The following BAHCC1 variants were observed in gnomAD, a reference collection of about 807,000 sequenced individuals.
The protein encoded by BAHCC1 is BAH domain and coiled-coil containing 1.
A neutral mutation model predicts 88.2 loss-of-function variants in BAHCC1; 43 were observed. The observed-to-expected ratio is 0.49, with a 90% CI of 0.38 to 0.63. The LOEUF is 0.63. Among genes scored for constraint, BAHCC1 ranks in the 20% least tolerant of loss-of-function variants. The pLI is 0.00. For missense variants in BAHCC1, 3,023 were observed against 1,654.8 expected (o/e 1.83, Z -14.34); for synonymous variants, 1,510 against 745.5 (o/e 2.03, Z -16.71).
intron 4 of BAHCC1, among the ~76,000 whole-genome samples, chr17:81,439,532 G>T (rs1555652201): frequency 6.6e-6 from 1 of 151,596 alleles, no homozygotes; most frequent in East Asian, 2.0e-4. Flanking sequence ...TCCGAGAGGT[G>T]TCTGGACACA....
At position 81,464,703 on chromosome 17, in the gene BAHCC1, G is replaced by T. The variant is rs2030580128; in HGVS notation, c.*886G>T. Reference sequence around the variant, plus strand: ...TATTGATAAGAAAAAGCAATGTTTGGATTGTATCTGCTGAATCATATTCCA... The same window carrying T: ...TATTGATAAGAAAAAGCAATGTTTGTATTGTATCTGCTGAATCATATTCCA... On this transcript the variant is annotated 3_prime_UTR_variant, in exon 28 of 28. Coordinates refer to ENST00000675386, the MANE Select transcript of BAHCC1 (RefSeq NM_001377448.1). 1 of 152,540 alleles carries T rather than the reference G, an allele frequency of 6.6e-6. No individual in the cohort carries two copies. Among genetic ancestry groups the T allele is most frequent in the Admixed American group, 6.5e-5 (1 of 15,288 alleles). The allele number at this position is 152,540 out of a possible 1,614,324, so 9.4% of individuals were successfully genotyped here. A position where few individuals can be genotyped will look rare whatever the true frequency, so the allele number is the denominator to read the frequency against.
intron 2 of BAHCC1, among the ~76,000 whole-genome samples, chr17:81,412,569 C>T (rs1183412753): frequency 6.6e-6 from 1 of 152,178 alleles, no homozygotes; most frequent in Non-Finnish European, 1.5e-5. Flanking sequence ...CAGGGAGCAG[C>T]CACCACGCTT....
intron 2 of BAHCC1, among the ~76,000 whole-genome samples, chr17:81,404,533 G>A (rs1257624506): frequency 1.3e-5 from 2 of 152,232 alleles, no homozygotes; most frequent in African/African-American, 2.4e-5. Flanking sequence ...GGGTGCAAGG[G>A]CAGATTACCC....
chr17:81,441,883 C>G lies in BAHCC1; in HGVS notation c.534C>G (p.Asn178Lys). The G allele has an allele frequency of 1.5e-6, 1 of 674,970 alleles. No homozygotes were observed. Among genetic ancestry groups the G allele is most frequent in the Admixed American group, 2.3e-5 (1 of 44,062 alleles). 41.8% of individuals were successfully genotyped at this position (674,970 alleles called of 1,614,324 possible). A position where few individuals can be genotyped will look rare whatever the true frequency, so the allele number is the denominator to read the frequency against. Residue 178 changes from asparagine (N) to lysine (K), a missense_variant, in exon 5 of 28, where the codon AAC (asparagine) becomes AAG (lysine). Asn to Lys is a moderately conservative substitution (Grantham distance 94). Transcript: ENST00000675386. Reference sequence around the variant, plus strand: ...CCCAGCCCACGCTGCTGCCGGCCAACCACAACTTCCCCAGCGTGGCCCGGG... The same window carrying G: ...CCCAGCCCACGCTGCTGCCGGCCAAGCACAACTTCCCCAGCGTGGCCCGGG... ...LPPQPTLLPA[N>K]HNFPSVARAA...
In BAHCC1 at chr17:81,447,533, G is replaced by A; in HGVS notation, c.3661G>A (p.Ala1221Thr). 2.6e-6 allele frequency: 2 copies of A among 754,936 alleles called. No homozygotes were observed. Among genetic ancestry groups the A allele is most frequent in the Admixed American group, 1.8e-5 (1 of 54,788 alleles). 46.8% of individuals were successfully genotyped at this position (754,936 alleles called of 1,614,324 possible). The change falls in exon 11 of 28, where the codon GCC becomes ACC. Residue 1221 changes from alanine (A) to threonine (T), a missense_variant. Coordinates refer to ENST00000675386, the MANE Select transcript of BAHCC1 (RefSeq NM_001377448.1). ...GALEDEGEQP[A>T]PEEDELEEDE... ...CCTTGAGGACGAGGGGGAGCAGCCGGCCCCTGAGGAGGACGAGCTGGAGGA... is the reference window on the plus strand; with the variant it reads ...CCTTGAGGACGAGGGGGAGCAGCCGACCCCTGAGGAGGACGAGCTGGAGGA...
intron 2 of BAHCC1, among the ~76,000 whole-genome samples, chr17:81,407,736 G>A (rs1267216645): frequency 3.3e-5 from 5 of 152,176 alleles, no homozygotes; most frequent in Non-Finnish European, 4.4e-5. Context: ...ATATCCCAGC[G>A]GGGTCTAGCC....
chr17:81,451,959 C>CG lies in BAHCC1; in HGVS notation c.4180-12_4180-11insG. 1 of 619,106 alleles carries CG rather than the reference C, an allele frequency of 1.6e-6. No homozygotes were observed. The highest frequency in any genetic ancestry group is 2.9e-6 in the Non-Finnish European group (1 of 344,352). 38.4% of individuals were successfully genotyped at this position (619,106 alleles called of 1,614,324 possible). Reference sequence around the variant, plus strand: ...TGGCCCGGCTCACAGGCCCCTGTGCCCCCCCCACCAGGTGTGCCCCCTGAA... The same window carrying CG: ...TGGCCCGGCTCACAGGCCCCTGTGCCGCCCCCCACCAGGTGTGCCCCCTGAA... On this transcript the variant is annotated splice_polypyrimidine_tract_variant and intron_variant, in intron 12 of 27. Coordinates refer to ENST00000675386, the MANE Select transcript of BAHCC1 (RefSeq NM_001377448.1).
intron 2 of BAHCC1, among the ~76,000 whole-genome samples, chr17:81,423,132 C>T (rs1331487458): frequency 1.3e-5 from 2 of 152,128 alleles, no homozygotes; most frequent in Non-Finnish European, 2.9e-5. Context: ...TGGGCCGGCT[C>T]TTCCTCTCCA....
At position 81,455,332 on chromosome 17, in the gene BAHCC1, CGAA is replaced by C; in HGVS notation, c.4516_4518del (p.Lys1506del). ...CGAGGAGGCAGTGGGGGCGAGCCTG[CGAA>C]GAAGCGAAGCAAGCTGGAGAGGAGC... is the stretch of plus-strand genomic sequence containing the variant. On this transcript the variant is annotated inframe_deletion, in exon 15 of 28. Coordinates refer to ENST00000675386, the MANE Select transcript of BAHCC1 (RefSeq NM_001377448.1). The C allele has an allele frequency of 1.4e-6, 1 of 717,100 alleles. No individual in the cohort carries two copies. Among genetic ancestry groups the C allele is most frequent in the Non-Finnish European group, 2.6e-6 (1 of 385,142 alleles). 44.4% of individuals were successfully genotyped at this position (717,100 alleles called of 1,614,324 possible). A position where few individuals can be genotyped will look rare whatever the true frequency, so the allele number is the denominator to read the frequency against.
chr17:81,441,752 C>T, intron 4 of BAHCC1, 79 bp from the exon 5 acceptor site: 1 of 495,636 alleles, frequency 2.0e-6, no homozygotes, highest in Non-Finnish European at 3.7e-6. Flanking sequence ...CGGGAGGCAC[C>T]TGGAGCACCT....
Position 81,421,825 on chromosome 17 carries a change from TG to T in BAHCC1, c.179-4968del, listed in dbSNP as rs547951192. ...GAAGCAAGAGGCCACCCCAGTCCCT[TG>T]GGGGGGATGGTAGGGTCTCTCATGG... On this transcript the variant is annotated intron_variant, in intron 2 of 27. Coordinates refer to ENST00000675386, the MANE Select transcript of BAHCC1 (RefSeq NM_001377448.1). 402 of 206,048 alleles carry T rather than the reference TG, an allele frequency of 2.0e-3. 2 individuals are homozygous for T. Among genetic ancestry groups the T allele is most frequent in the African/African-American group, 9.0e-3 (379 of 41,966 alleles). 12.8% of individuals were successfully genotyped at this position (206,048 alleles called of 1,614,324 possible). A position where few individuals can be genotyped will look rare whatever the true frequency, so the allele number is the denominator to read the frequency against.
chr17:81,407,310 A>G (rs782531924), intron 2 of BAHCC1: 1 of 518,650 alleles, frequency 1.9e-6, no homozygotes, highest in African/African-American at 1.9e-5. Context: ...TACCCCACCA[A>G]AAAAGAGAAG....
chr17:81,423,352 G>A (rs1336305896), intron 2 of BAHCC1, among the ~76,000 whole-genome samples: 1 of 148,316 alleles, frequency 6.7e-6, no homozygotes, highest in East Asian at 2.1e-4. Context: ...AGCCCCCGCC[G>A]CCCCCCTTGC....
chr17:81,402,389 C>T (rs868909135), intron 2 of BAHCC1: 2 of 152,160 alleles, frequency 1.3e-5, no homozygotes, highest in South Asian at 4.1e-4. Flanking sequence ...GAATTATACC[C>T]CAGATCACTT....
intron 3 of BAHCC1, among the ~76,000 whole-genome samples, chr17:81,432,945 G>A (rs955036306): frequency 7.9e-6 from 1 of 126,854 alleles, no homozygotes; most frequent in Non-Finnish European, 1.7e-5. Flanking sequence ...GCTCCTCCCT[G>A]TGGGGTTGGT....
Position 81,441,887 on chromosome 17 carries a change from A to C in BAHCC1, c.538A>C (p.Asn180His). Residue 180 changes from asparagine to histidine, a missense_variant, in exon 5 of 28, where the codon AAC becomes CAC. Transcript: ENST00000675386. ...GCCCACGCTGCTGCCGGCCAACCACAACTTCCCCAGCGTGGCCCGGGCCGC... is the reference window on the plus strand; with the variant it reads ...GCCCACGCTGCTGCCGGCCAACCACCACTTCCCCAGCGTGGCCCGGGCCGC... ...PQPTLLPANH[N>H]FPSVARAAPA... The C allele has an allele frequency of 1.5e-6, 1 of 672,974 alleles. No homozygotes were observed. The highest frequency in any genetic ancestry group is 1.8e-5 in the African/African-American group (1 of 54,410). 41.7% of individuals were successfully genotyped at this position (672,974 alleles called of 1,614,324 possible).
rs1387445435 is a variant in BAHCC1 at position 81,443,310 on chromosome 17, G to A, written c.1961G>A (p.Gly654Asp). The change falls in exon 5 of 28, where the codon GGC becomes GAC. Residue 654 changes from glycine to aspartate, a missense_variant. Physicochemically the swap from Gly to Asp is moderately conservative, Grantham distance 94. Coordinates refer to ENST00000675386, the MANE Select transcript of BAHCC1 (RefSeq NM_001377448.1). Reference protein sequence around the residue: ...LVVGQKAPLVGLGGLKASCIQ... With the variant: ...LVVGQKAPLVDLGGLKASCIQ... ...GTGGGCCAGAAAGCACCCTTGGTGG[G>A]CCTGGGTGGCCTCAAGGCCAGCTGC... The A allele has an allele frequency of 1.2e-5, 9 of 779,162 alleles. No individual in the cohort carries two copies. Among genetic ancestry groups the A allele is most frequent in the Non-Finnish European group, 1.9e-5 (8 of 417,850 alleles). The allele number at this position is 779,162 out of a possible 1,614,324, so 48.3% of individuals were successfully genotyped here. A position where few individuals can be genotyped will look rare whatever the true frequency, so the allele number is the denominator to read the frequency against.
intron 23 of BAHCC1, 55 bp from the exon 24 acceptor site, chr17:81,460,220 CCT>C: frequency 2.8e-6 from 2 of 711,886 alleles, no homozygotes; most frequent in Non-Finnish European, 5.2e-6. Flanking sequence ...GCCCCGCCTC[CCT>C]GTTTCGGGCG....
chr17:81,404,537 A>T (rs1236701791), intron 2 of BAHCC1, among the ~76,000 whole-genome samples: 1 of 152,216 alleles, frequency 6.6e-6, no homozygotes, highest in African/African-American at 2.4e-5. Context: ...GCAAGGGCAG[A>T]TTACCCAGGA....
Sources: allele counts gnomAD v4.1 joint callset (sites outside exome capture counted in the v4.1 genomes callset), GRCh38; gene constraint gnomAD v4.1.1; transcripts MANE v1.5; gene names NCBI Gene and HGNC (gene_info 2026-07-23, HGNC 2026-07-21).